Variants in TTC23 observed in about 807,000 individuals in gnomAD.
The protein encoded by TTC23 is tetratricopeptide repeat protein 23.
Under a neutral mutation model 55.1 loss-of-function variants are expected in TTC23, and 58 were observed. That is an observed-to-expected ratio of 1.05 (90% CI 0.85 to 1.31). TTC23 has a LOEUF of 1.31. Ranked by LOEUF, TTC23 falls within the 50% of genes most tolerant of loss-of-function variation. The probability of loss-of-function intolerance (pLI) is 0.00; values close to 1 mark genes in which losing one functional copy is unlikely to be tolerated. For missense variants in TTC23, 516 were observed against 534.4 expected (o/e 0.97, Z 0.34); for synonymous variants, 203 against 199.9 (o/e 1.02, Z -0.13).
intron 12 of TTC23, among the ~76,000 whole-genome samples, chr15:99,145,785 C>T (rs1354832934): frequency 6.6e-6 from 1 of 152,068 alleles, no homozygotes; most frequent in African/African-American, 2.4e-5. Flanking sequence ...GACTGAGGCA[C>T]TGGTGGGTGG....
At chr15:99,164,946 C>T (rs2071862237) in intron 10 of TTC23, among the ~76,000 whole-genome samples, 1 of 152,164 alleles carries the variant, frequency 6.6e-6, no homozygotes, top group South Asian at 2.1e-4. Flanking sequence ...CTGCCCCTTA[C>T]AGCTGTGTGC....
intron 9 of TTC23, among the ~76,000 whole-genome samples, chr15:99,185,236 T>C (rs1380134957): frequency 6.6e-6 from 1 of 152,184 alleles, no homozygotes; most frequent in African/African-American, 2.4e-5. Flanking sequence ...AAAAATAGCA[T>C]TTTCTGATTA....
intron 9 of TTC23, among the ~76,000 whole-genome samples, chr15:99,188,195 T>C (rs2074906327): frequency 6.6e-6 from 1 of 152,014 alleles, no homozygotes; most frequent in African/African-American, 2.4e-5. Flanking sequence ...ATGCTAAACA[T>C]GGATGAATCT....
intron 11 of TTC23, chr15:99,158,267 A>G (rs1432529155): frequency 1.3e-5 from 2 of 152,316 alleles, no homozygotes; most frequent in East Asian, 3.9e-4. Flanking sequence ...TGGACTGCTG[A>G]GAGTGCTGGG....
At chr15:99,242,156 A>G (rs1333170551) in intron 2 of TTC23, among the ~76,000 whole-genome samples, 1 of 151,988 alleles carries the variant, frequency 6.6e-6, no homozygotes, top group Non-Finnish European at 1.5e-5. Flanking sequence ...AAAGTTAAAA[A>G]AAAGAAGCCA....
chr15:99,138,833 CCTGGGGCTGCTCT>C (rs1294394761), intron 13 of TTC23, among the ~76,000 whole-genome samples: 1 of 152,198 alleles, frequency 6.6e-6, no homozygotes, highest in Non-Finnish European at 1.5e-5. Context: ...CTCAGGCAGC[CCTGGGGCTGCTCT>C]CTGCGGACCA....
chr15:99,239,728 G>A (rs1173125566), intron 3 of TTC23, among the ~76,000 whole-genome samples: 1 of 152,182 alleles, frequency 6.6e-6, no homozygotes, highest in Non-Finnish European at 1.5e-5. Flanking sequence ...GCAGTCTAGG[G>A]AAAGAGCAGT....
intron 9 of TTC23, among the ~76,000 whole-genome samples, chr15:99,181,178 AC>A (rs1202077218): frequency 5.9e-5 from 9 of 152,210 alleles, no homozygotes; most frequent in African/African-American, 2.2e-4. Context: ...CAAACTGCAT[AC>A]TTTTCCAGTC....
At chr15:99,219,301 CT>C (rs1197147461) in intron 6 of TTC23, among the ~76,000 whole-genome samples, 1 of 152,154 alleles carries the variant, frequency 6.6e-6, no homozygotes, top group African/African-American at 2.4e-5. Flanking sequence ...AATTGAACAG[CT>C]TTGAAACCTC....
intron 10 of TTC23, among the ~76,000 whole-genome samples, chr15:99,172,047 T>C (rs2073014314): frequency 6.6e-6 from 1 of 150,910 alleles, no homozygotes; most frequent in Admixed American, 6.6e-5. Flanking sequence ...AGACAGAGTA[T>C]TGCTGTGTTG....
chr15:99,156,846 G>A (rs1031871072), intron 11 of TTC23, among the ~76,000 whole-genome samples: 2 of 152,096 alleles, frequency 1.3e-5, no homozygotes, highest in Non-Finnish European at 2.9e-5. Context: ...TGAAGAGAGA[G>A]GACACCTGGC....
Position 99,139,630 on chromosome 15 carries a change from C to G in TTC23, c.1144-231G>C, listed in dbSNP as rs2067987513. The G allele has an allele frequency of 1.2e-5, 18 of 1,503,462 alleles. No homozygotes were observed. In the South Asian group the frequency reaches 2.2e-4, roughly 19 times the overall value. 93.1% of individuals were successfully genotyped at this position (1,503,462 alleles called of 1,614,324 possible). A position where few individuals can be genotyped will look rare whatever the true frequency, so the allele number is the denominator to read the frequency against. On this transcript the variant is annotated intron_variant, in intron 12 of 13. Transcript: ENST00000394132. ...ATTTCACAAAACTCTCTGTGACTAT[C>G]TGTATGCAAAAAATAGATTTAAAAG...
chr15:99,199,992 G>C lies in TTC23; in HGVS notation c.686C>G (p.Pro229Arg), dbSNP rs756273327. The C allele has an allele frequency of 1.7e-5, 27 of 1,613,650 alleles. No homozygotes were observed. The highest frequency in any genetic ancestry group is 3.3e-5 in the Admixed American group (2 of 59,956). The change falls in exon 9 of 14, where the codon CCC becomes CGC. Residue 229 changes from proline (P) to arginine (R), a missense_variant. Coordinates refer to ENST00000394132, the MANE Select transcript of TTC23 (RefSeq NM_001288615.3). ...TACACCTGCTAATTCTCTCAATATG[G>C]GTACACACTCACGACTTGTTTCACC... is the stretch of plus-strand genomic sequence containing the variant. ...SKGETSRECVPILRELAGVEQ... is the reference protein window; with the variant it reads ...SKGETSRECVRILRELAGVEQ...
At chr15:99,148,472 T>C (rs1555495180) in intron 12 of TTC23, 1 of 150,548 alleles carries the variant, frequency 6.6e-6, no homozygotes, top group African/African-American at 2.4e-5. Flanking sequence ...TTCATTTTAG[T>C]GGGCTTTGAG....
chr15:99,234,704 A>T (rs952319842), intron 4 of TTC23, among the ~76,000 whole-genome samples: 2 of 152,150 alleles, frequency 1.3e-5, no homozygotes, highest in Admixed American at 6.6e-5. Context: ...CAGACGCTTC[A>T]TCAAAGAAGA....
intron 2 of TTC23, among the ~76,000 whole-genome samples, chr15:99,244,679 C>T (rs1351460986): frequency 6.6e-6 from 1 of 151,984 alleles, no homozygotes; most frequent in Non-Finnish European, 1.5e-5. Flanking sequence ...AGATTAAAAG[C>T]CTCAATATTA....
chr15:99,210,829 G>C lies in TTC23; in HGVS notation c.581+7759C>G, dbSNP rs998403402. On this transcript the variant is annotated intron_variant, in intron 8 of 13. Transcript: ENST00000394132. ...AAAATTCCACTGGGAAGCATTTCTG[G>C]AGCAGCTTATGGAACTAAGTAGAAC... Among the ~76,000 whole-genome samples, 3 of 152,100 alleles carry C rather than the reference G, an allele frequency of 2.0e-5. No individual in the cohort carries two copies. The East Asian group carries it at 5.8e-4, about 29-fold the overall frequency.
chr15:99,137,970 A>G lies in TTC23; in HGVS notation c.*40T>C, dbSNP rs561262654. 3 of 1,612,714 alleles carry G rather than the reference A, an allele frequency of 1.9e-6. No homozygotes were observed. Among genetic ancestry groups the G allele is most frequent in the African/African-American group, 2.7e-5 (2 of 75,018 alleles). On this transcript the variant is annotated 3_prime_UTR_variant, in exon 14 of 14. Transcript: ENST00000394132. The stretch of plus-strand genomic sequence containing the variant: ...TGATTTGTACAGCACCCTAAATGAC[A>G]GTGCCCAGGAATGTCCTAGGCTTTT...
At position 99,139,326 on chromosome 15, in the gene TTC23, A is replaced by G; in HGVS notation, c.1217T>C (p.Met406Thr). 1.2e-6 allele frequency: 2 copies of G among 1,613,138 alleles called. No individual in the cohort carries two copies. The highest frequency in any genetic ancestry group is 2.2e-5 in the East Asian group (1 of 44,878). The stretch of plus-strand genomic sequence containing the variant: ...AGGGACGCCAACTCACGTGGACAGC[A>G]TGCCCATGGCCTGCTGGGTGGCCAG... Reference protein sequence around the residue: ...RTLATQQAMGMLSTAPKVASK... With the variant: ...RTLATQQAMGTLSTAPKVASK... The change falls in exon 13 of 14, where the codon ATG (methionine) becomes ACG (threonine). Residue 406 changes from methionine to threonine, a missense_variant. Physicochemically the swap from Met to Thr is moderately conservative, Grantham distance 81 (BLOSUM62 -1). Transcript: ENST00000394132.
Sources: allele counts gnomAD v4.1 joint callset (sites outside exome capture counted in the v4.1 genomes callset), GRCh38; gene constraint gnomAD v4.1.1; transcripts MANE v1.5; gene names NCBI Gene and HGNC (gene_info 2026-07-23, HGNC 2026-07-21).